The following PDE1A variants were observed in gnomAD, a reference collection of about 807,000 sequenced individuals.
PDE1A encodes the protein dual specificity calcium/calmodulin-dependent 3',5'-cyclic nucleotide phosphodiesterase 1A.
Under a neutral mutation model 61.7 loss-of-function variants are expected in PDE1A, and 35 were observed. The ratio of observed to expected loss-of-function variants is 0.57; its 90% CI spans 0.43 to 0.75. The LOEUF is 0.75. Among genes scored for constraint, PDE1A ranks in the 30% least tolerant of loss-of-function variants. The pLI, the probability that PDE1A is intolerant of heterozygous loss-of-function variation, is 0.00. For missense variants in PDE1A, 597 were observed against 630.6 expected, an observed-to-expected ratio of 0.95 and a Z score of 0.57; for synonymous variants, 232 against 213.2, an observed-to-expected ratio of 1.09 and a Z score of -0.77.
chr2:182,157,251 G>A lies in PDE1A; in HGVS notation c.1517-10099C>T, dbSNP rs960151129. On this transcript the variant is annotated intron_variant, in intron 13 of 13. Coordinates refer to the PDE1A transcript ENST00000409365. ...GCTGGTCTCAAACTCCTGACCTCAG[G>A]TGAACCACCTGCCTTGTCCTTCCGA... Among the ~76,000 whole-genome samples, 166 of 152,100 alleles carry A rather than the reference G, an allele frequency of 1.1e-3. 1 individual carries two copies. The highest frequency in any genetic ancestry group is 4.0e-3 in the African/African-American group (165 of 41,474).
intron 13 of PDE1A, among the ~76,000 whole-genome samples, chr2:182,169,920 A>ACG (rs774582717): frequency 3.5e-5 from 3 of 84,654 alleles, no homozygotes; most frequent in African/African-American, 1.0e-4. Context: ...ACACACACAC[A>ACG]CGCACACACA....
At chr2:182,369,753 G>C (rs1224942596) in intron 1 of PDE1A, among the ~76,000 whole-genome samples, 1 of 152,158 alleles carries the variant, frequency 6.6e-6, no homozygotes, top group Non-Finnish European at 1.5e-5. Context: ...CCAAATTGCA[G>C]TGTCATAACA....
At chr2:182,707,295 AAAGAT>A in the PDE1A span, among the ~76,000 whole-genome samples, 1 of 152,204 alleles carries the variant, frequency 6.6e-6, no homozygotes, top group Admixed American at 6.5e-5. Context: ...AAAAGGAAAT[AAAGAT>A]AAGAAAACAA....
chr2:182,411,521 G>C (rs1702615148), intron 1 of PDE1A, among the ~76,000 whole-genome samples: 1 of 152,074 alleles, frequency 6.6e-6, no homozygotes, highest in East Asian at 1.9e-4. Flanking sequence ...GTTTGGCTTG[G>C]AATTTCTGGA....
chr2:182,561,645 G>A, the PDE1A span, among the ~76,000 whole-genome samples: 1 of 152,108 alleles, frequency 6.6e-6, no homozygotes, highest in Non-Finnish European at 1.5e-5. Flanking sequence ...ATTACCTTGG[G>A]CAGTATGGCC....
At chr2:182,290,221 C>A (rs1694437054) in intron 1 of PDE1A, among the ~76,000 whole-genome samples, 1 of 151,824 alleles carries the variant, frequency 6.6e-6, no homozygotes, top group African/African-American at 2.4e-5. Context: ...CAGGAATTAC[C>A]AAAATTAATT....
chr2:182,228,943 A>G lies in PDE1A; in HGVS notation c.675+1063T>C, dbSNP rs568122745. Among the ~76,000 whole-genome samples, 6 of 152,270 alleles carry G rather than the reference A, an allele frequency of 3.9e-5. No homozygotes were observed. The East Asian group carries it at 1.2e-3, about 29-fold the overall frequency. On this transcript the variant is annotated intron_variant, in intron 6 of 13. Transcript: ENST00000351439. ...AGTGACTATGTGATCTTTGCTAACA[A>G]CTTTAACTTTCTAGGAGTCATGCGA...
chr2:182,218,795 G>T (rs1688466756), intron 7 of PDE1A, among the ~76,000 whole-genome samples: 1 of 152,064 alleles, frequency 6.6e-6, no homozygotes, highest in Non-Finnish European at 1.5e-5. Context: ...AGCCAGACTT[G>T]CATACCTGGG....
At chr2:182,630,915 T>G in the PDE1A span, among the ~76,000 whole-genome samples, 1 of 152,218 alleles carries the variant, frequency 6.6e-6, no homozygotes, top group South Asian at 2.1e-4. Flanking sequence ...TTTATTAACT[T>G]AATGAGAATT....
chr2:182,513,482 C>A (rs1413763571), intron 2 of PDE1A, among the ~76,000 whole-genome samples: 1 of 152,186 alleles, frequency 6.6e-6, no homozygotes, highest in Non-Finnish European at 1.5e-5. Context: ...CTGTTACCAG[C>A]CACCACAAAA....
chr2:182,464,141 CTA>C (rs556986390), intron 2 of PDE1A, among the ~76,000 whole-genome samples: 24 of 152,200 alleles, frequency 1.6e-4, no homozygotes, highest in East Asian at 3.9e-4. Context: ...CCAAAATTTT[CTA>C]TGTTTTCTTT....
intron 1 of PDE1A, among the ~76,000 whole-genome samples, chr2:182,414,846 G>A (rs1322826427): frequency 2.6e-5 from 4 of 151,974 alleles, no homozygotes; most frequent in East Asian, 1.9e-4. Context: ...TTAAACACAC[G>A]GATCAAAATT....
chr2:182,578,626 A>C, the PDE1A span, among the ~76,000 whole-genome samples: 1 of 152,360 alleles, frequency 6.6e-6, no homozygotes, highest in South Asian at 2.1e-4. Flanking sequence ...TGGTTGAATA[A>C]GTACATTTAT....
the PDE1A span, among the ~76,000 whole-genome samples, chr2:182,571,365 G>C: frequency 6.6e-6 from 1 of 152,034 alleles, no homozygotes; most frequent in Admixed American, 6.5e-5. Context: ...GAGATGATAG[G>C]ACTGGACAAA....
chr2:182,649,214 T>A, the PDE1A span, among the ~76,000 whole-genome samples: 5 of 152,146 alleles, frequency 3.3e-5, no homozygotes, highest in African/African-American at 1.2e-4. Context: ...TTAAAAACAA[T>A]CTTGGTACCC....
chr2:182,539,214 A>C, the PDE1A span, among the ~76,000 whole-genome samples: 3 of 152,200 alleles, frequency 2.0e-5, no homozygotes, highest in Non-Finnish European at 4.4e-5. Context: ...TATTTTACTC[A>C]TAGTAAATTT....
At chr2:182,462,120 A>G (rs2125768863) in intron 2 of PDE1A, among the ~76,000 whole-genome samples, 1 of 151,844 alleles carries the variant, frequency 6.6e-6, no homozygotes, top group East Asian at 2.0e-4. Context: ...GCACTTGGAC[A>G]CAGGAAGGGG....
chr2:182,332,646 C>A (rs899128890), intron 1 of PDE1A, among the ~76,000 whole-genome samples: 1 of 152,072 alleles, frequency 6.6e-6, no homozygotes, highest in South Asian at 2.1e-4. Context: ...CACTCCAGAC[C>A]CTGTTTGCCT....
At chr2:182,495,073 G>A (rs538178340) in intron 2 of PDE1A, among the ~76,000 whole-genome samples, 2 of 152,256 alleles carry the variant, frequency 1.3e-5, no homozygotes, top group East Asian at 3.9e-4. Context: ...ATCTTAGGCA[G>A]GATCTCTTGA....
Sources: allele counts gnomAD v4.1 joint callset (sites outside exome capture counted in the v4.1 genomes callset), GRCh38; gene constraint gnomAD v4.1.1; transcripts MANE v1.5; gene names NCBI Gene and HGNC (gene_info 2026-07-23, HGNC 2026-07-21).